Variants in BIRC3 observed in about 807,000 individuals in gnomAD.
The protein encoded by BIRC3 is baculoviral IAP repeat containing 3, also known as baculoviral IAP repeat-containing protein 3.
Under a neutral mutation model 59.0 loss-of-function variants are expected in BIRC3, and 26 were observed. The observed-to-expected ratio is 0.44, with a 90% CI of 0.32 to 0.61. The LOEUF is 0.61. BIRC3 is among the 20% of genes least tolerant of loss of function. The pLI is 0.04. For missense variants in BIRC3, 641 were observed against 711.5 expected, an observed-to-expected ratio of 0.90 and a Z score of 1.13; for synonymous variants, 243 against 249.2, an observed-to-expected ratio of 0.98 and a Z score of 0.24.
Position 102,337,055 on chromosome 11 carries a change from A to G in BIRC3, c.1768A>G (p.Ile590Val). 6.3e-7 allele frequency: 1 copy of G among 1,590,082 alleles called. No individual in the cohort carries two copies. ...TGCTCCTTCTTTAAGAAAGTGTCCTATTTGTAGGAGTACAATCAAGGGTAC... is the reference window on the plus strand; with the variant it reads ...TGCTCCTTCTTTAAGAAAGTGTCCTGTTTGTAGGAGTACAATCAAGGGTAC... ...DCAPSLRKCPICRSTIKGTVR... is the reference protein window; with the variant it reads ...DCAPSLRKCPVCRSTIKGTVR... The change falls in exon 9 of 9, where the codon ATT becomes GTT. Residue 590 changes from isoleucine (I) to valine (V), a missense_variant. Physicochemically the swap from Ile to Val is conservative, Grantham distance 29 (BLOSUM62 3). Coordinates refer to ENST00000263464, the MANE Select transcript of BIRC3 (RefSeq NM_001165.5).
In BIRC3 at chr11:102,338,947, C is replaced by A. The variant is rs1951227585; in HGVS notation, c.*1845C>A. ...AGGCCTTCACTTTGGGTTTTCTGAG[C>A]CCCAACATCTGCTAGTGTTGTAAAG... On this transcript the variant is annotated 3_prime_UTR_variant, in exon 9 of 9. Transcript: ENST00000263464. The A allele has an allele frequency of 4.6e-6, 1 of 218,236 alleles. No homozygotes were observed. The highest frequency in any genetic ancestry group is 9.2e-6 in the Non-Finnish European group (1 of 108,732). The allele number at this position is 218,236 out of a possible 1,614,324, so 13.5% of individuals were successfully genotyped here. A position where few individuals can be genotyped will look rare whatever the true frequency, so the allele number is the denominator to read the frequency against.
intron 3 of BIRC3, 80 bp from the exon 4 acceptor site, chr11:102,327,972 G>T: frequency 9.1e-7 from 1 of 1,094,060 alleles, no homozygotes; most frequent in South Asian, 1.4e-5. Flanking sequence ...TAAACACCTA[G>T]AGATGAGAAA....
Position 102,336,985 on chromosome 11 carries a change from C to T in BIRC3, c.1698C>T (p.Ser566=). 1 of 1,603,684 alleles carries T rather than the reference C, an allele frequency of 6.2e-7. No individual in the cohort carries two copies. Among genetic ancestry groups the T allele is most frequent in the Non-Finnish European group, 8.5e-7 (1 of 1,177,810 alleles). The stretch of plus-strand genomic sequence containing the variant: ...AAGTGTGTATGGACAAAGAAGTGTC[C>T]ATAGTGTTTATTCCTTGTGGTCATC... ...TCKVCMDKEV[S]IVFIPCGHLV... Residue 566 remains serine, a synonymous_variant, in exon 9 of 9, where the codon TCC becomes TCT. Coordinates refer to ENST00000263464, the MANE Select transcript of BIRC3 (RefSeq NM_001165.5).
intron 5 of BIRC3, 109 bp downstream of exon 5, chr11:102,329,054 T>A: frequency 1.7e-6 from 1 of 584,750 alleles, no homozygotes; most frequent in Non-Finnish European, 2.7e-6. Context: ...TAATTTACGA[T>A]GAATGCATTT....
At chr11:102,330,974 G>A (rs750553896) in intron 5 of BIRC3, 25 bp from the exon 6 acceptor site, 4 of 1,573,430 alleles carry the variant, frequency 2.5e-6, no homozygotes, top group African/African-American at 2.7e-5. Context: ...ATCCTAATAT[G>A]TGTTAAATTC....
Position 102,328,877 on chromosome 11 carries a change from TATA to T in BIRC3, c.1033-19_1033-17del, listed in dbSNP as rs760532659. On this transcript the variant is annotated splice_polypyrimidine_tract_variant and intron_variant, in intron 4 of 8. Coordinates refer to ENST00000263464, the MANE Select transcript of BIRC3 (RefSeq NM_001165.5). ...TTTAATTTATATATATATATATATA[TATA>T]TTTTTTTTTTCTGCAGCTGCTATCC... 5,066 of 632,072 alleles carry T rather than the reference TATA, an allele frequency of 8.0e-3. 3 individuals carry two copies. The highest frequency in any genetic ancestry group is 0.013 in the Middle Eastern group (21 of 1,614). 39.2% of individuals were successfully genotyped at this position (632,072 alleles called of 1,614,324 possible).
In BIRC3 at chr11:102,321,978, A is replaced by AT. The variant is rs1951034753; in HGVS notation, c.-2530dup. The AT allele has an allele frequency of 5.2e-6, 1 of 192,142 alleles. No homozygotes were observed. The highest frequency in any genetic ancestry group is 1.1e-5 in the Non-Finnish European group (1 of 91,774). The allele number at this position is 192,142 out of a possible 1,614,324, so 11.9% of individuals were successfully genotyped here. A position where few individuals can be genotyped will look rare whatever the true frequency, so the allele number is the denominator to read the frequency against. ...GGTAGTTTTGTGCATGGGTAAACAA[A>AT]TTAAGTATTAACTGGTGTTTTACTA... is the stretch of plus-strand genomic sequence containing the variant. On this transcript the variant is annotated 5_prime_UTR_variant, in exon 2 of 9. An upstream open reading frame in the 5' UTR gains an earlier in-frame stop. Transcript: ENST00000263464.
At chr11:102,318,443 T>C (rs1392872629) in intron 1 of BIRC3, among the ~76,000 whole-genome samples, 2 of 152,210 alleles carry the variant, frequency 1.3e-5, no homozygotes, top group Non-Finnish European at 2.9e-5. Context: ...GTCTCAGTCA[T>C]TTACTTCTTC....
At chr11:102,320,029 G>GC (rs1565320226) in intron 1 of BIRC3, 1 of 145,048 alleles carries the variant, frequency 6.9e-6, no homozygotes, top group Non-Finnish European at 1.5e-5. Context: ...ACGCCCGATG[G>GC]TTTTTTTTTT....
chr11:102,320,184 A>G (rs771602620), intron 1 of BIRC3: 3 of 150,996 alleles, frequency 2.0e-5, no homozygotes, highest in African/African-American at 4.9e-5. Flanking sequence ...CTTCTTTAGG[A>G]TAAGATTTGT....
rs778832114 is a variant in BIRC3 at position 102,328,875 on chromosome 11, TATATA to T, written c.1033-21_1033-17del. 1.3e-3 allele frequency: 1,096 copies of T among 835,118 alleles called. 13 individuals are homozygous for T. In the African/African-American group the frequency reaches 0.018, roughly 14 times the overall value. The allele number at this position is 835,118 out of a possible 1,614,324, so 51.7% of individuals were successfully genotyped here. A position where few individuals can be genotyped will look rare whatever the true frequency, so the allele number is the denominator to read the frequency against. ...ATTTTAATTTATATATATATATATA[TATATA>T]TTTTTTTTTTCTGCAGCTGCTATCC... On this transcript the variant is annotated splice_polypyrimidine_tract_variant and intron_variant, in intron 4 of 8. Transcript: ENST00000263464.
chr11:102,317,924 C>G (rs573067117), intron 1 of BIRC3, among the ~76,000 whole-genome samples: 3 of 152,256 alleles, frequency 2.0e-5, no homozygotes, highest in East Asian at 1.9e-4. Flanking sequence ...TAAGGCAGAG[C>G]TCTGGCACAG....
chr11:102,328,158 G>T (rs779166053), intron 4 of BIRC3, 28 bp downstream of exon 4: 6 of 1,569,066 alleles, frequency 3.8e-6, no homozygotes, highest in Admixed American at 1.7e-5. Context: ...TTTAAATATT[G>T]GTTGCCATCA....
At chr11:102,334,198 T>G (rs771631891) in intron 6 of BIRC3, among the ~76,000 whole-genome samples, 4 of 152,184 alleles carry the variant, frequency 2.6e-5, no homozygotes, top group Non-Finnish European at 2.9e-5. Context: ...TTCTAATATA[T>G]CCCTACTTTG....
chr11:102,320,224 G>A (rs1225282831), intron 1 of BIRC3: 1 of 152,164 alleles, frequency 6.6e-6, no homozygotes, highest in Non-Finnish European at 1.5e-5. Context: ...AAATGGAGGT[G>A]ATATAAATGA....
intron 6 of BIRC3, among the ~76,000 whole-genome samples, chr11:102,334,042 T>A (rs1259036100): frequency 1.3e-5 from 2 of 152,234 alleles, no homozygotes; most frequent in Non-Finnish European, 2.9e-5. Context: ...AACTTTGAAA[T>A]GAGACTTTTT....
chr11:102,321,274 A>G (rs1951028272), intron 1 of BIRC3, among the ~76,000 whole-genome samples: 1 of 152,238 alleles, frequency 6.6e-6, no homozygotes, highest in Non-Finnish European at 1.5e-5. Flanking sequence ...ATAAAAATAA[A>G]AACTTAGTAA....
intron 1 of BIRC3, among the ~76,000 whole-genome samples, chr11:102,320,883 C>T (rs1273054660): frequency 6.6e-6 from 1 of 152,224 alleles, no homozygotes; most frequent in Non-Finnish European, 1.5e-5. Flanking sequence ...GAACATGTTC[C>T]CTCTCTAAAG....
At chr11:102,321,025 T>A (rs1158076533) in intron 1 of BIRC3, among the ~76,000 whole-genome samples, 1 of 152,260 alleles carries the variant, frequency 6.6e-6, no homozygotes, top group East Asian at 1.9e-4. Context: ...CATTTAAACA[T>A]GTTGGCAATT....
Sources: allele counts gnomAD v4.1 joint callset (sites outside exome capture counted in the v4.1 genomes callset), GRCh38; gene constraint gnomAD v4.1.1; transcripts MANE v1.5; gene names NCBI Gene and HGNC (gene_info 2026-07-23, HGNC 2026-07-21).